The following NET1 variants were observed in gnomAD, a reference collection of about 807,000 sequenced individuals.
NET1 encodes the protein neuroepithelial cell-transforming gene 1 protein.
NET1 carries 42 observed loss-of-function variants against 61.1 expected under a neutral mutation model. The ratio of observed to expected loss-of-function variants is 0.69; its 90% CI spans 0.54 to 0.89. NET1 has a LOEUF of 0.89. Among genes scored for constraint, NET1 ranks in the 40% least tolerant of loss-of-function variants. The pLI is 0.00. For missense variants in NET1, 654 were observed against 747.3 expected, an observed-to-expected ratio of 0.88 and a Z score of 1.46; for synonymous variants, 254 against 281.8, an observed-to-expected ratio of 0.90 and a Z score of 0.99.
At chr10:5,429,376 A>T in intron 3 of NET1, 147 bp downstream of exon 3, 1 of 593,664 alleles carries the variant, frequency 1.7e-6, no homozygotes, top group Non-Finnish European at 3.0e-6. Context: ...GAATAATATT[A>T]GTTCATAGAC....
intron 3 of NET1, 91 bp downstream of exon 3, chr10:5,429,320 G>T: frequency 9.5e-7 from 1 of 1,057,804 alleles, no homozygotes; most frequent in Non-Finnish European, 1.4e-6. Context: ...ATGCTGGTTT[G>T]GGTTTTTTTG....
intron 3 of NET1, among the ~76,000 whole-genome samples, chr10:5,445,761 G>C (rs1025080666): frequency 6.6e-6 from 1 of 152,160 alleles, no homozygotes; most frequent in Admixed American, 6.5e-5. Flanking sequence ...CTTCACCTCT[G>C]TTAGCCTCAT....
intron 3 of NET1, among the ~76,000 whole-genome samples, chr10:5,448,905 A>G (rs889515033): frequency 9.2e-5 from 14 of 152,074 alleles, no homozygotes; most frequent in Non-Finnish European, 1.8e-4. Context: ...TGTATTAGGA[A>G]TCTGTTTTGT....
Position 5,422,827 on chromosome 10 carries a change from A to G in NET1, c.129-3828A>G, listed in dbSNP as rs1181191561. On this transcript the variant is annotated intron_variant, in intron 1 of 11. Coordinates refer to ENST00000355029, the MANE Select transcript of NET1 (RefSeq NM_001047160.3). This position sits in a 1 kb window ranked among gnomAD's most constrained non-coding sequence, Gnocchi z 4.1. ...GCCAAAACAGTAGTGGATGTCTACT[A>G]CATCAGATATTTGACCCAAATAAAT... 6.6e-6 allele frequency among the ~76,000 whole-genome samples: 1 copy of G among 152,252 alleles called. No homozygotes were observed. The highest frequency in any genetic ancestry group is 1.5e-5 in the Non-Finnish European group (1 of 68,034).
At chr10:5,419,681 TTC>T (rs1832136877) in intron 1 of NET1, among the ~76,000 whole-genome samples, 1 of 45,310 alleles carries the variant, frequency 2.2e-5, no homozygotes, top group East Asian at 4.5e-4. Context: ...TACCAACAAA[TTC>T]TCTGTTTGTT....
At position 5,431,796 on chromosome 10, in the gene NET1, G is replaced by T. The variant is rs1481238265; in HGVS notation, c.255+2567G>T. Among the ~76,000 whole-genome samples, 1 of 152,012 alleles carries T rather than the reference G, an allele frequency of 6.6e-6. No homozygotes were observed. The highest frequency in any genetic ancestry group is 1.5e-5 in the Non-Finnish European group (1 of 68,030). On this transcript the variant is annotated intron_variant, in intron 3 of 11. Coordinates refer to ENST00000355029, the MANE Select transcript of NET1 (RefSeq NM_001047160.3). The surrounding 1 kb of genome is among the most constrained non-coding windows in gnomAD (Gnocchi z 4.9). ...AATTTTGTTTTGTAGAAAAGACAGG[G>T]TCTCACTATGTTGGCCAGGAAGGCC...
At chr10:5,436,164 T>C (rs1367265875) in intron 3 of NET1, among the ~76,000 whole-genome samples, 19 of 66,530 alleles carry the variant, frequency 2.9e-4, no homozygotes, top group African/African-American at 9.0e-4. Context: ...TAAAAGGAGG[T>C]GTGTGTGTGT....
In NET1 at chr10:5,446,552, G is replaced by T. The variant is rs1298435622; in HGVS notation, c.256-5278G>T. The T allele has an allele frequency of 1.7e-6, 2 of 1,154,404 alleles. No homozygotes were observed. Among genetic ancestry groups the T allele is most frequent in the Non-Finnish European group, 1.1e-6 (1 of 939,064 alleles). 71.5% of individuals were successfully genotyped at this position (1,154,404 alleles called of 1,614,324 possible). ...TGGTGGACCCCGCCCCCAGGGCCCG[G>T]TTGGCTGTGGCCCCGCCCCCGAGCC... is the stretch of plus-strand genomic sequence containing the variant. On this transcript the variant is annotated intron_variant, in intron 3 of 11. Transcript: ENST00000355029. This position sits in a 1 kb window ranked among gnomAD's most constrained non-coding sequence, Gnocchi z 5.0.
rs1349652176 is a variant in NET1, at chr10:5,422,055, A to G, written c.129-4600A>G. Among the ~76,000 whole-genome samples, 2 of 152,168 alleles carry G rather than the reference A, an allele frequency of 1.3e-5. No individual in the cohort carries two copies. The highest frequency in any genetic ancestry group is 2.4e-5 in the African/African-American group (1 of 41,436). On this transcript the variant is annotated intron_variant, in intron 1 of 11. Transcript: ENST00000355029. This position sits in a 1 kb window ranked among gnomAD's most constrained non-coding sequence, Gnocchi z 4.1. ...CTATGAACATTTGCATGTAAGTCTT[A>G]GTGTAGGCTGGGCGCGGTGGCTCAC... is the stretch of plus-strand genomic sequence containing the variant.
rs2119203516 is a variant in NET1, at chr10:5,446,621, T to G, written c.256-5209T>G. The G allele has an allele frequency of 7.9e-7, 1 of 1,263,020 alleles. No individual in the cohort carries two copies. Among genetic ancestry groups the G allele is most frequent in the South Asian group, 2.9e-5 (1 of 34,460 alleles). The allele number at this position is 1,263,020 out of a possible 1,614,324, so 78.2% of individuals were successfully genotyped here. On this transcript the variant is annotated intron_variant, in intron 3 of 11. Transcript: ENST00000355029. The surrounding 1 kb of genome is among the most constrained non-coding windows in gnomAD (Gnocchi z 5.0). ...GCCTGCGGCTCTCAGAAGCCTCTGC[T>G]CCACCGCGGCGAGAGGCATGGGCAC...
Position 5,421,082 on chromosome 10 carries a change from T to C in NET1, c.129-5573T>C, listed in dbSNP as rs537242516. Among the ~76,000 whole-genome samples the C allele has an allele frequency of 1.2e-4, 18 of 152,266 alleles. 1 individual carries two copies. The highest frequency in any genetic ancestry group is 3.9e-4 in the African/African-American group (16 of 41,546). Reference sequence around the variant, plus strand: ...TAACATTCTTTTAGACTAGAACCCATAGACAAAGAGTAACGTTTAAAGATT... The same window carrying C: ...TAACATTCTTTTAGACTAGAACCCACAGACAAAGAGTAACGTTTAAAGATT... On this transcript the variant is annotated intron_variant, in intron 1 of 11. Transcript: ENST00000355029. The surrounding 1 kb of genome is among the most constrained non-coding windows in gnomAD (Gnocchi z 4.2).
rs1588440987 is a variant in NET1 at position 5,454,155 on chromosome 10, G to T, written c.769-110G>T. 1.7e-6 allele frequency: 2 copies of T among 1,146,610 alleles called. No individual in the cohort carries two copies. Among genetic ancestry groups the T allele is most frequent in the East Asian group, 2.4e-5 (1 of 42,246 alleles). The allele number at this position is 1,146,610 out of a possible 1,614,324, so 71.0% of individuals were successfully genotyped here. A position where few individuals can be genotyped will look rare whatever the true frequency, so the allele number is the denominator to read the frequency against. On this transcript the variant is annotated intron_variant, in intron 8 of 11. Transcript: ENST00000355029. The surrounding 1 kb of genome is among the most constrained non-coding windows in gnomAD (Gnocchi z 8.1). ...ATCTGCCAGAAAATGTCCACAGCTT[G>T]TTAAAACTCTCAAGAATAGCTGTAC...
chr10:5,454,961 A>C lies in NET1; in HGVS notation c.1040A>C (p.Gln347Pro). ...QLLEDAILII[Q>P]GVLSDINLKK... is the part of the protein sequence containing the mutation. ...TATCATTTTCAGATATTGATAATAC[A>C]GGGAGTCCTCTCTGATATCAACTTG... Residue 347 changes from glutamine (Q) to proline (P), a missense_variant, in exon 10 of 12, where the codon CAG (glutamine) becomes CCG (proline). By Grantham distance (76) the Gln-to-Pro change is moderately conservative. Transcript: ENST00000355029. This position sits in a 1 kb window ranked among gnomAD's most constrained non-coding sequence, Gnocchi z 8.1. 6.2e-7 allele frequency: 1 copy of C among 1,613,962 alleles called. No homozygotes were observed. The highest frequency in any genetic ancestry group is 8.5e-7 in the Non-Finnish European group (1 of 1,179,904).
At position 5,455,220 on chromosome 10, in the gene NET1, T is replaced by A; in HGVS notation, c.1197+102T>A. 1 of 1,135,242 alleles carries A rather than the reference T, an allele frequency of 8.8e-7. No individual in the cohort carries two copies. Among genetic ancestry groups the A allele is most frequent in the African/African-American group, 1.6e-5 (1 of 64,362 alleles). 70.3% of individuals were successfully genotyped at this position (1,135,242 alleles called of 1,614,324 possible). A position where few individuals can be genotyped will look rare whatever the true frequency, so the allele number is the denominator to read the frequency against. On this transcript the variant is annotated intron_variant, in intron 10 of 11. Transcript: ENST00000355029. The surrounding 1 kb of genome is among the most constrained non-coding windows in gnomAD (Gnocchi z 6.5). ...GGCTTGTAAAGGGAAAGTCATGACA[T>A]AGTAAAAGAAGGTTGCCAATTTTAA...
chr10:5,426,355 A>G lies in NET1; in HGVS notation c.129-300A>G, dbSNP rs1346609764. Among the ~76,000 whole-genome samples, 2 of 152,116 alleles carry G rather than the reference A, an allele frequency of 1.3e-5. No individual in the cohort carries two copies. The highest frequency in any genetic ancestry group is 3.8e-4 in the East Asian group (2 of 5,196). ...TTAATATATTTCATGTTTTTGAACTATATGTATGTTCCTAAGGTAAACTCT... is the reference window on the plus strand; with the variant it reads ...TTAATATATTTCATGTTTTTGAACTGTATGTATGTTCCTAAGGTAAACTCT... On this transcript the variant is annotated intron_variant, in intron 1 of 11. Transcript: ENST00000355029. The surrounding 1 kb of genome is among the most constrained non-coding windows in gnomAD (Gnocchi z 4.6).
Position 5,437,445 on chromosome 10 carries a change from A to C in NET1, c.255+8216A>C, listed in dbSNP as rs1832454840. On this transcript the variant is annotated intron_variant, in intron 3 of 11. Transcript: ENST00000355029. The surrounding 1 kb of genome is among the most constrained non-coding windows in gnomAD (Gnocchi z 4.3). ...AGAATGGCTATTTTTGTATATTTCT[A>C]ATTTTTTTCATATTAAAAACAGTGC... is the stretch of plus-strand genomic sequence containing the variant. Among the ~76,000 whole-genome samples, 1 of 152,000 alleles carries C rather than the reference A, an allele frequency of 6.6e-6. No homozygotes were observed. Among genetic ancestry groups the C allele is most frequent in the South Asian group, 2.1e-4 (1 of 4,826 alleles).
At position 5,443,306 on chromosome 10, in the gene NET1, T is replaced by C. The variant is rs10904504; in HGVS notation, c.256-8524T>C. Among the ~76,000 whole-genome samples the C allele has an allele frequency of 0.72, 109,001 of 152,090 alleles. 39,322 individuals carry two copies. The highest frequency in any genetic ancestry group is 0.76 in the Admixed American group (11,611 of 15,282). ...GTCCTAGTTTCCTCCTTCTCTAAAA[T>C]TGAGATAATAAGTACTTCATAGAGT... On this transcript the variant is annotated intron_variant, in intron 3 of 11. Transcript: ENST00000355029. The surrounding 1 kb of genome is among the most constrained non-coding windows in gnomAD (Gnocchi z 4.8).
chr10:5,432,117 G>A (rs1229760592), intron 3 of NET1, among the ~76,000 whole-genome samples: 1 of 152,140 alleles, frequency 6.6e-6, no homozygotes, highest in Non-Finnish European at 1.5e-5. Context: ...TGGTTGCTTT[G>A]GGAAATGGTA....
At position 5,431,151 on chromosome 10, in the gene NET1, G is replaced by A. The variant is rs563883026; in HGVS notation, c.255+1922G>A. Among the ~76,000 whole-genome samples the A allele has an allele frequency of 5.3e-5, 8 of 152,290 alleles. No homozygotes were observed. The highest frequency in any genetic ancestry group is 2.1e-4 in the South Asian group (1 of 4,824). On this transcript the variant is annotated intron_variant, in intron 3 of 11. Coordinates refer to ENST00000355029, the MANE Select transcript of NET1 (RefSeq NM_001047160.3). This position sits in a 1 kb window ranked among gnomAD's most constrained non-coding sequence, Gnocchi z 4.9. ...CTCCCAAAGTGCTGGGATTACAGGCGTGAGCCACCGCGCCCGGCCTTAACT... is the reference window on the plus strand; with the variant it reads ...CTCCCAAAGTGCTGGGATTACAGGCATGAGCCACCGCGCCCGGCCTTAACT...
Sources: allele counts gnomAD v4.1 joint callset (sites outside exome capture counted in the v4.1 genomes callset), GRCh38; gene constraint gnomAD v4.1.1; non-coding constraint Gnocchi (gnomAD v3.1); transcripts MANE v1.5; gene names NCBI Gene and HGNC (gene_info 2026-07-23, HGNC 2026-07-21).